Variants in UBE4B observed in about 807,000 individuals in gnomAD.
The protein encoded by UBE4B is ubiquitination factor E4B.
UBE4B carries 27 observed loss-of-function variants against 148.1 expected under a neutral mutation model. The observed-to-expected ratio is 0.18, with a 90% confidence interval of 0.13 to 0.25. UBE4B has a LOEUF of 0.25. UBE4B is among the 10% of genes least tolerant of loss of function. UBE4B has a pLI of 1.00. For synonymous variants in UBE4B, 596 were observed against 619.3 expected, an observed-to-expected ratio of 0.96 and a Z score of 0.56; for missense variants, 1,170 against 1,662.4, an observed-to-expected ratio of 0.70 and a Z score of 5.15.
intron 2 of UBE4B, among the ~76,000 whole-genome samples, chr1:10,093,027 T>C (rs903517463): frequency 1.3e-5 from 2 of 152,194 alleles, no homozygotes; most frequent in African/African-American, 4.8e-5. Context: ...ACAAATGCAG[T>C]ATGTTACACT....
intron 2 of UBE4B, among the ~76,000 whole-genome samples, chr1:10,089,008 A>G (rs1644805449): frequency 6.6e-6 from 1 of 151,896 alleles, no homozygotes; most frequent in African/African-American, 2.4e-5. Flanking sequence ...CACAAGAACA[A>G]AATGTTTTCT....
intron 23 of UBE4B, among the ~76,000 whole-genome samples, chr1:10,162,394 CG>C (rs2102012306): frequency 6.6e-6 from 1 of 152,054 alleles, no homozygotes; most frequent in South Asian, 2.1e-4. Flanking sequence ...AGGATGGTCT[CG>C]ATCTCCTGAC....
At chr1:10,135,475 A>G (rs7538883) in intron 16 of UBE4B, among the ~76,000 whole-genome samples, 32,378 of 151,702 alleles carry the variant, frequency 0.21, 6,494 homozygotes, top group African/African-American at 0.54. Context: ...ATGGTGGCAC[A>G]CGCCTGTAAT....
chr1:10,080,732 AAAAG>A (rs749885610), intron 2 of UBE4B, among the ~76,000 whole-genome samples: 1 of 152,252 alleles, frequency 6.6e-6, no homozygotes, highest in Admixed American at 6.5e-5. Context: ...TCAGCCTTCA[AAAAG>A]AAAGAAATTC....
chr1:10,175,469 G>A lies in UBE4B; in HGVS notation c.3526-3175G>A, dbSNP rs192752497. ...GATCGAGACCGTCCTGGCTAACACG[G>A]TGAAACCCCATCTCTACTAAAAATA... is the stretch of plus-strand genomic sequence containing the variant. On this transcript the variant is annotated intron_variant, in intron 25 of 27. Coordinates refer to ENST00000343090, the MANE Select transcript of UBE4B (RefSeq NM_001105562.3). Among the ~76,000 whole-genome samples the A allele has an allele frequency of 5.7e-3, 852 of 149,704 alleles. 28 individuals carry two copies. Among genetic ancestry groups the A allele is most frequent in the East Asian group, 0.048 (243 of 5,046 alleles).
At chr1:10,044,552 T>TCTTCCTTC (rs553765104) in intron 1 of UBE4B, among the ~76,000 whole-genome samples, 2,577 of 151,880 alleles carry the variant, frequency 0.017, 32 homozygotes, top group Non-Finnish European at 0.026. Context: ...CCTTCCTTAC[T>TCTTCCTTC]CTTCCTTCCT....
intron 7 of UBE4B, among the ~76,000 whole-genome samples, chr1:10,114,145 A>T (rs1267195222): frequency 1.3e-5 from 2 of 151,558 alleles, no homozygotes; most frequent in Non-Finnish European, 2.9e-5. Flanking sequence ...GGGGCTTATT[A>T]TCAAGAAATA....
At chr1:10,061,905 CTTTTTTCTTTT>C (rs1644294029) in intron 1 of UBE4B, among the ~76,000 whole-genome samples, 1 of 149,036 alleles carries the variant, frequency 6.7e-6, no homozygotes, top group African/African-American at 2.5e-5. Context: ...GCTTTATCTT[CTTTTTTCTTTT>C]TTTTTTTTTT....
In UBE4B at chr1:10,107,432, C is replaced by A. The variant is rs1004802081; in HGVS notation, c.1196+849C>A. 3.2e-6 allele frequency: 4 copies of A among 1,236,318 alleles called. No homozygotes were observed. In the African/African-American group the frequency reaches 4.7e-5, roughly 14 times the overall value. 76.6% of individuals were successfully genotyped at this position (1,236,318 alleles called of 1,614,324 possible). ...TGCGTAGATGCTTAGGAACTAACTTCTATAAGCTCTAACAAGGGGCGTGCT... is the reference window on the plus strand; with the variant it reads ...TGCGTAGATGCTTAGGAACTAACTTATATAAGCTCTAACAAGGGGCGTGCT... On this transcript the variant is annotated intron_variant, in intron 7 of 27. Coordinates refer to ENST00000343090, the MANE Select transcript of UBE4B (RefSeq NM_001105562.3).
chr1:10,143,149 A>T (rs1342232788), intron 17 of UBE4B, among the ~76,000 whole-genome samples: 4 of 152,104 alleles, frequency 2.6e-5, no homozygotes, highest in African/African-American at 9.7e-5. Context: ...GACACCTGTA[A>T]TCCCATCACT....
At chr1:10,077,816 CATG>C (rs1274663344) in intron 2 of UBE4B, among the ~76,000 whole-genome samples, 2 of 152,142 alleles carry the variant, frequency 1.3e-5, no homozygotes, top group Non-Finnish European at 2.9e-5. Flanking sequence ...TTCAAATGTA[CATG>C]ATAACATAAC....
chr1:10,150,888 G>A (rs949955820), intron 20 of UBE4B, among the ~76,000 whole-genome samples: 34 of 147,508 alleles, frequency 2.3e-4, no homozygotes, highest in Admixed American at 1.8e-3. Flanking sequence ...TAGGCTGGGC[G>A]CAGTGGCTCA....
chr1:10,107,375 G>A (rs1431775448), intron 7 of UBE4B: 3 of 1,287,612 alleles, frequency 2.3e-6, no homozygotes, highest in Admixed American at 2.3e-5. Flanking sequence ...TTGGGTCCAG[G>A]TATCAGAGGA....
chr1:10,113,474 C>G (rs1645255420), intron 7 of UBE4B, among the ~76,000 whole-genome samples: 2 of 152,228 alleles, frequency 1.3e-5, no homozygotes, highest in Non-Finnish European at 2.9e-5. Flanking sequence ...TCCTGAGTGC[C>G]TTTCCTTGCA....
intron 1 of UBE4B, among the ~76,000 whole-genome samples, chr1:10,035,068 G>C (rs1373423476): frequency 6.7e-6 from 1 of 149,076 alleles, no homozygotes; most frequent in African/African-American, 2.5e-5. Flanking sequence ...GCGCGATCTC[G>C]TCTCACTGCA....
At chr1:10,081,864 C>A (rs1644687587) in intron 2 of UBE4B, among the ~76,000 whole-genome samples, 1 of 152,156 alleles carries the variant, frequency 6.6e-6, no homozygotes, top group Non-Finnish European at 1.5e-5. Context: ...GCTGGGATTG[C>A]CACCATGCCC....
At chr1:10,100,898 G>T in intron 3 of UBE4B, 1 of 527,880 alleles carries the variant, frequency 1.9e-6, no homozygotes, top group East Asian at 3.3e-5. Flanking sequence ...TGACAACTTA[G>T]GAAAAATATT....
At chr1:10,045,286 G>A (rs998516583) in intron 1 of UBE4B, among the ~76,000 whole-genome samples, 1 of 152,196 alleles carries the variant, frequency 6.6e-6, no homozygotes, top group Non-Finnish European at 1.5e-5. Flanking sequence ...CAGAGAGGCC[G>A]AAATCCATAA....
intron 1 of UBE4B, among the ~76,000 whole-genome samples, chr1:10,042,158 C>G (rs778632822): frequency 6.6e-6 from 1 of 152,144 alleles, no homozygotes; most frequent in Non-Finnish European, 1.5e-5. Context: ...TCAAGTAGCC[C>G]CAAGCTCTTG....
Sources: allele counts gnomAD v4.1 joint callset (sites outside exome capture counted in the v4.1 genomes callset), GRCh38; gene constraint gnomAD v4.1.1; transcripts MANE v1.5; gene names NCBI Gene and HGNC (gene_info 2026-07-23, HGNC 2026-07-21).